Variants in ZBTB38 observed in about 807,000 individuals in gnomAD.
ZBTB38 encodes zinc finger and BTB domain-containing protein 38.
Under a neutral mutation model 76.8 loss-of-function variants are expected in ZBTB38, and 20 were observed. The observed-to-expected ratio is 0.26, with a 90% CI of 0.18 to 0.38. The LOEUF is 0.38. Among genes scored for constraint, ZBTB38 ranks in the 10% least tolerant of loss-of-function variants. The probability of loss-of-function intolerance (pLI) is 1.00; values close to 1 mark genes in which losing one functional copy is unlikely to be tolerated. For missense variants in ZBTB38, 1,082 were observed against 1,482.3 expected, an observed-to-expected ratio of 0.73 and a Z score of 4.43; for synonymous variants, 504 against 544.2, an observed-to-expected ratio of 0.93 and a Z score of 1.03.
rs763264717 is a variant in ZBTB38, at chr3:141,442,429, T to G, written c.41T>G (p.Phe14Cys). The G allele has an allele frequency of 1.9e-6, 3 of 1,614,128 alleles. No individual in the cohort carries two copies. In the South Asian group the frequency reaches 3.3e-5, roughly 18 times the overall value. ...CTTTCCAGGGACCTCAAGGACGACT[T>G]TCACAGTGACACGGTACTCTCCATC... Reference protein sequence around the residue: ...MSLSRDLKDDFHSDTVLSILN... With the variant: ...MSLSRDLKDDCHSDTVLSILN... The change falls in exon 6 of 6, where the codon TTT becomes TGT. Residue 14 changes from phenylalanine (F) to cysteine (C), a missense_variant. Physicochemically the swap from Phe to Cys is radical, Grantham distance 205. Transcript: ENST00000321464. The surrounding 1 kb of genome is among the most constrained non-coding windows in gnomAD (Gnocchi z 6.4).
upstream of ZBTB38, chr3:141,366,344 CAG>C (rs1315035973): frequency 6.6e-6 from 1 of 152,176 alleles, no homozygotes; most frequent in East Asian, 1.9e-4. Context: ...TTTGGGGAAA[CAG>C]AGCAGGGAGG....
At chr3:141,345,333 G>A (rs1453814082) in intron 1 of ZBTB38, among the ~76,000 whole-genome samples, 1 of 151,926 alleles carries the variant, frequency 6.6e-6, no homozygotes, top group African/African-American at 2.4e-5. Context: ...AGATATGGAG[G>A]AGCAACCACA....
chr3:141,333,185 C>T (rs926378849), intron 1 of ZBTB38, among the ~76,000 whole-genome samples: 9 of 152,118 alleles, frequency 5.9e-5, no homozygotes, highest in Non-Finnish European at 7.3e-5. Context: ...TTGTTTGCTC[C>T]GGTAAAGCCT....
intron 1 of ZBTB38, among the ~76,000 whole-genome samples, chr3:141,330,686 A>C (rs529338277): frequency 6.6e-5 from 10 of 152,236 alleles, no homozygotes; most frequent in Admixed American, 1.3e-4. Context: ...CCAATGGGGC[A>C]GTATTGAGAG....
chr3:141,418,782 C>T (rs1245538484), intron 5 of ZBTB38, among the ~76,000 whole-genome samples: 3 of 152,204 alleles, frequency 2.0e-5, no homozygotes, highest in African/African-American at 4.8e-5. Flanking sequence ...ATATTCACTG[C>T]CTTCTTCAGC....
intron 1 of ZBTB38, among the ~76,000 whole-genome samples, chr3:141,358,406 G>C (rs898019980): frequency 6.6e-6 from 1 of 152,220 alleles, no homozygotes; most frequent in African/African-American, 2.4e-5. Flanking sequence ...GCCATATAGG[G>C]AAGTCAGGAG....
chr3:141,435,297 T>C (rs1294882330), intron 5 of ZBTB38, among the ~76,000 whole-genome samples: 1 of 152,192 alleles, frequency 6.6e-6, no homozygotes, highest in East Asian at 1.9e-4. Flanking sequence ...CTTACCTCCT[T>C]TCTCTCTCAA....
intron 1 of ZBTB38, among the ~76,000 whole-genome samples, chr3:141,343,567 C>G (rs928791161): frequency 1.3e-5 from 2 of 152,158 alleles, no homozygotes; most frequent in African/African-American, 4.8e-5. Flanking sequence ...TTCCCATCCA[C>G]ACAGGAGCTT....
intron 1 of ZBTB38, among the ~76,000 whole-genome samples, chr3:141,354,845 G>C (rs556041331): frequency 6.6e-6 from 1 of 152,090 alleles, no homozygotes; most frequent in Admixed American, 6.6e-5. Context: ...GATGGGCACT[G>C]GGAGAATGAT....
At chr3:141,389,892 C>T (rs1948317122) in intron 4 of ZBTB38, 1 of 152,186 alleles carries the variant, frequency 6.6e-6, no homozygotes, top group African/African-American at 2.4e-5. Flanking sequence ...GTTTGTGACT[C>T]AAGCATGGTT....
intron 1 of ZBTB38, among the ~76,000 whole-genome samples, chr3:141,354,803 G>A (rs1943614688): frequency 6.6e-6 from 1 of 152,056 alleles, no homozygotes; most frequent in East Asian, 1.9e-4. Context: ...ATTTGTTTAA[G>A]GACTTGCAGT....
chr3:141,445,339 G>A lies in ZBTB38; in HGVS notation c.2951G>A (p.Cys984Tyr). ...ACTAAAGAGATGCCCAAGCTGCAGT[G>A]TGAACTCTGTGATGGAGACAAAGCA... is the stretch of plus-strand genomic sequence containing the variant. The part of the protein sequence containing the change: ...EETKEMPKLQ[C>Y]ELCDGDKAVG... Residue 984 changes from cysteine to tyrosine, a missense_variant, in exon 6 of 6, where the codon TGT (cysteine) becomes TAT (tyrosine). Coordinates refer to ENST00000321464, the MANE Select transcript of ZBTB38 (RefSeq NM_001376113.1). This position sits in a 1 kb window ranked among gnomAD's most constrained non-coding sequence, Gnocchi z 6.5. 1.9e-6 allele frequency: 3 copies of A among 1,614,134 alleles called. No individual in the cohort carries two copies. Among genetic ancestry groups the A allele is most frequent in the Non-Finnish European group, 2.5e-6 (3 of 1,180,028 alleles).
chr3:141,425,727 C>T (rs183350508), intron 5 of ZBTB38, among the ~76,000 whole-genome samples: 8 of 152,340 alleles, frequency 5.3e-5, no homozygotes, highest in East Asian at 3.9e-4. Context: ...ATAGTTTGGT[C>T]GCTAAATGAA....
intron 1 of ZBTB38, among the ~76,000 whole-genome samples, chr3:141,334,640 T>C (rs768760625): frequency 2.0e-5 from 3 of 152,104 alleles, no homozygotes; most frequent in Non-Finnish European, 4.4e-5. Context: ...GGGGATGAGA[T>C]ACTCTCTCAG....
At chr3:141,379,188 A>C (rs915289736) in intron 2 of ZBTB38, among the ~76,000 whole-genome samples, 1 of 152,144 alleles carries the variant, frequency 6.6e-6, no homozygotes, top group African/African-American at 2.4e-5. Context: ...CTGGAAAGAC[A>C]GTTTTGAAAT....
intron 4 of ZBTB38, among the ~76,000 whole-genome samples, chr3:141,393,043 G>T (rs1212564738): frequency 1.3e-5 from 2 of 152,122 alleles, no homozygotes; most frequent in Non-Finnish European, 2.9e-5. Flanking sequence ...TCCTGCTCAG[G>T]GTTCAAGACT....
upstream of ZBTB38, chr3:141,367,534 T>C (rs1332419583): frequency 6.6e-6 from 1 of 152,278 alleles, no homozygotes; most frequent in Non-Finnish European, 1.5e-5. Flanking sequence ...TCTTTTCTCC[T>C]GGCCAGGTTG....
At chr3:141,384,828 G>A (rs1423924929) in intron 3 of ZBTB38, 1 of 152,192 alleles carries the variant, frequency 6.6e-6, no homozygotes, top group African/African-American at 2.4e-5. Flanking sequence ...GAGTAGTTGT[G>A]GGAGAGAGAT....
intron 2 of ZBTB38, among the ~76,000 whole-genome samples, chr3:141,378,002 C>T (rs973363552): frequency 6.6e-6 from 1 of 151,934 alleles, no homozygotes; most frequent in Non-Finnish European, 1.5e-5. Flanking sequence ...CACAGGGAGA[C>T]CCGCATCTCT....
Sources: allele counts gnomAD v4.1 joint callset (sites outside exome capture counted in the v4.1 genomes callset), GRCh38; gene constraint gnomAD v4.1.1; non-coding constraint Gnocchi (gnomAD v3.1); transcripts MANE v1.5; gene names NCBI Gene and HGNC (gene_info 2026-07-23, HGNC 2026-07-21).